The following SH3BP5L variants were observed in gnomAD, a reference collection of about 807,000 sequenced individuals.
SH3BP5L encodes SH3 domain-binding protein 5-like.
In SH3BP5L, 16 loss-of-function variants were observed where a neutral mutation model predicts 40.9. The ratio of observed to expected loss-of-function variants is 0.39; its 90% CI spans 0.27 to 0.59. The LOEUF (loss-of-function observed/expected upper bound fraction) is 0.59. Ranked by LOEUF, SH3BP5L falls within the 20% of genes least tolerant of loss-of-function variation. SH3BP5L has a pLI of 0.53. For missense variants in SH3BP5L, 471 were observed against 544.6 expected (o/e 0.86, Z 1.35); for synonymous variants, 229 against 226.7 (o/e 1.01, Z -0.09).
chr1:248,823,673 C>A (rs942544109), intron 2 of SH3BP5L, among the ~76,000 whole-genome samples: 2 of 152,122 alleles, frequency 1.3e-5, no homozygotes, highest in African/African-American at 4.8e-5. Flanking sequence ...TCCCAGGAAC[C>A]CACACAGAGA....
At chr1:248,816,323 A>T in intron 4 of SH3BP5L, 1 of 562,020 alleles carries the variant, frequency 1.8e-6, no homozygotes, top group Non-Finnish European at 3.2e-6. Context: ...ATTCTCCCAC[A>T]GCCACCCTCA....
rs760925896 is a variant in SH3BP5L, at chr1:248,812,260, C to G, written c.822G>C (p.Arg274=). 1 of 1,611,922 alleles carries G rather than the reference C, an allele frequency of 6.2e-7. No individual in the cohort carries two copies. Among genetic ancestry groups the G allele is most frequent in the East Asian group, 2.2e-5 (1 of 44,868 alleles). The change falls in exon 7 of 7, where the codon CGG becomes CGC. Residue 274 remains arginine (R), a synonymous_variant. Transcript: ENST00000366472. This position sits in a 1 kb window ranked among gnomAD's most constrained non-coding sequence, Gnocchi z 6.1. The stretch of plus-strand genomic sequence containing the variant: ...GGTGGGGAGGCAGACCCCCGCGGCG[C>G]CGTGCGTGAATCTGCTCGCTGATCT... ...LEQISEQIHA[R]RRGGLPPHPL...
In SH3BP5L at chr1:248,824,855, G is replaced by A; in HGVS notation, c.81C>T (p.Val27=). ...GCTCTTCTGCGACTGGGCTCCTAGG[G>A]ACTTCATCCTCTACAACTTCAGGCC... ...ELRPEVVEDE[V]PRSPVAEEPG... The change falls in exon 2 of 7, where the codon GTC becomes GTT. Residue 27 remains valine, a synonymous_variant. Coordinates refer to ENST00000366472, the MANE Select transcript of SH3BP5L (RefSeq NM_030645.3). 6.2e-7 allele frequency: 1 copy of A among 1,614,172 alleles called. No homozygotes were observed.
chr1:248,814,938 G>A (rs1558227523), intron 4 of SH3BP5L: 1 of 401,754 alleles, frequency 2.5e-6, no homozygotes, highest in Non-Finnish European at 4.7e-6. Flanking sequence ...AACATAGACA[G>A]AGTCTTACAG....
chr1:248,810,622 C>G lies in SH3BP5L; in HGVS notation c.*1278G>C, dbSNP rs977223637. On this transcript the variant is annotated 3_prime_UTR_variant, in exon 7 of 7. Coordinates refer to ENST00000366472, the MANE Select transcript of SH3BP5L (RefSeq NM_030645.3). ...ACCAACCTCCCTCAACCTGTAGACC[C>G]CCGTGCAGAGTCCAGTTGCCCACGC... The G allele has an allele frequency of 6.6e-6, 1 of 152,284 alleles. No homozygotes were observed. The highest frequency in any genetic ancestry group is 1.9e-4 in the East Asian group (1 of 5,192). 9.4% of individuals were successfully genotyped at this position (152,284 alleles called of 1,614,324 possible).
At position 248,811,694 on chromosome 1, in the gene SH3BP5L, AG is replaced by A. The variant is rs1663929891; in HGVS notation, c.*205del. The stretch of plus-strand genomic sequence containing the variant: ...CGAGCCTTCTGAATGGGTAAGGCAA[AG>A]AGAGCCGCCTGCTGAGGGGAAGGGG... On this transcript the variant is annotated 3_prime_UTR_variant, in exon 7 of 7. Coordinates refer to ENST00000366472, the MANE Select transcript of SH3BP5L (RefSeq NM_030645.3). The A allele has an allele frequency of 1.9e-6, 1 of 515,354 alleles. No homozygotes were observed. The highest frequency in any genetic ancestry group is 2.0e-5 in the African/African-American group (1 of 50,540). 31.9% of individuals were successfully genotyped at this position (515,354 alleles called of 1,614,324 possible).
In SH3BP5L at chr1:248,812,035, G is replaced by A; in HGVS notation, c.1047C>T (p.Asp349=). The A allele has an allele frequency of 6.2e-7, 1 of 1,612,780 alleles. No homozygotes were observed. Among genetic ancestry groups the A allele is most frequent in the Non-Finnish European group, 8.5e-7 (1 of 1,179,628 alleles). Residue 349 remains aspartate, a synonymous_variant, in exon 7 of 7, where the codon GAC becomes GAT. Coordinates refer to ENST00000366472, the MANE Select transcript of SH3BP5L (RefSeq NM_030645.3). This position sits in a 1 kb window ranked among gnomAD's most constrained non-coding sequence, Gnocchi z 6.1. ...AGAGGCCTCGCAAGTGCTCCACGGA[G>A]TCGCACTTCTGCAGGTCTGAAGCCA... The part of the protein sequence containing the change: ...RTVASDLQKC[D]SVEHLRGLSD...
chr1:248,814,879 TAGGGAAAACAA>T (rs1664061317), intron 4 of SH3BP5L: 2 of 566,998 alleles, frequency 3.5e-6, no homozygotes, highest in East Asian at 7.5e-5. Context: ...CCTTTTCCCC[TAGGGAAAACAA>T]AGGAAAACAC....
intron 2 of SH3BP5L, 107 bp from the exon 3 acceptor site, chr1:248,816,991 A>G (rs751172678): frequency 6.3e-7 from 1 of 1,588,636 alleles, no homozygotes; most frequent in Admixed American, 1.8e-5. Flanking sequence ...TTGCCCAGGG[A>G]AATGAGGTGA....
rs764376654 is a variant in SH3BP5L at position 248,812,209 on chromosome 1, G to A, written c.873C>T (p.Pro291=). The change falls in exon 7 of 7, where the codon CCC becomes CCT. Residue 291 remains proline (P), a synonymous_variant. Transcript: ENST00000366472. The surrounding 1 kb of genome is among the most constrained non-coding windows in gnomAD (Gnocchi z 6.1). ...CCTCGGGTCCTGCCTCGGCCCCCAC[G>A]GGGGAGGAGCGCCGAGGGCCCAGGG... ...PHPLGPRRSS[P]VGAEAGPEDM... 2.0e-5 allele frequency: 32 copies of A among 1,604,458 alleles called. No homozygotes were observed. The highest frequency in any genetic ancestry group is 2.6e-5 in the Non-Finnish European group (31 of 1,176,646).
At chr1:248,819,780 G>A (rs1664205845) in intron 2 of SH3BP5L, among the ~76,000 whole-genome samples, 1 of 151,848 alleles carries the variant, frequency 6.6e-6, no homozygotes, top group Non-Finnish European at 1.5e-5. Context: ...TTTGCATTGG[G>A]CCGTGTTCAA....
chr1:248,823,979 T>C (rs969135866), intron 2 of SH3BP5L, among the ~76,000 whole-genome samples: 1 of 152,166 alleles, frequency 6.6e-6, no homozygotes. Context: ...TGGCCAGGCA[T>C]CTCTTCCACA....
At chr1:248,824,021 G>A (rs1558231623) in intron 2 of SH3BP5L, among the ~76,000 whole-genome samples, 2 of 152,118 alleles carry the variant, frequency 1.3e-5, no homozygotes, top group Non-Finnish European at 2.9e-5. Context: ...ACTACCCCCA[G>A]GTCTCCTACA....
chr1:248,814,130 G>C (rs1250497983), intron 5 of SH3BP5L: 1 of 332,198 alleles, frequency 3.0e-6, no homozygotes, highest in African/African-American at 2.1e-5. Flanking sequence ...GAAGCGAGGA[G>C]TCACACAGCT....
rs1273526202 is a variant in SH3BP5L, at chr1:248,811,756, T to C, written c.*144A>G. On this transcript the variant is annotated 3_prime_UTR_variant, in exon 7 of 7. Transcript: ENST00000366472. Reference sequence around the variant, plus strand: ...GAACGCCAGGGCAGGCACAGAGGACTCGAACACAGCTGGCCTCTCCCAGGG... The same window carrying C: ...GAACGCCAGGGCAGGCACAGAGGACCCGAACACAGCTGGCCTCTCCCAGGG... 1 of 645,632 alleles carries C rather than the reference T, an allele frequency of 1.5e-6. No homozygotes were observed. The highest frequency in any genetic ancestry group is 2.0e-5 in the South Asian group (1 of 49,950). The allele number at this position is 645,632 out of a possible 1,614,324, so 40.0% of individuals were successfully genotyped here.
intron 4 of SH3BP5L, chr1:248,814,812 A>C: frequency 1.4e-6 from 1 of 708,754 alleles, no homozygotes; most frequent in Non-Finnish European, 2.5e-6. Context: ...AGAAGAAATA[A>C]AAATTTTGCC....
In SH3BP5L at chr1:248,813,073, T is replaced by C. The variant is rs1663998138; in HGVS notation, c.627A>G (p.Gln209=). Residue 209 remains glutamine (Q), a synonymous_variant, in exon 6 of 7, where the codon CAA becomes CAG. Transcript: ENST00000366472. ...CCCTCCGGAGGGTCTTCTGCAGGGC[T>C]TGGACCCGAGCCTCAGCCTGTTGGC... ...RLCQQAEARV[Q]ALQKTLRRAI... 6 of 1,612,630 alleles carry C rather than the reference T, an allele frequency of 3.7e-6. No individual in the cohort carries two copies. The highest frequency in any genetic ancestry group is 2.2e-5 in the East Asian group (1 of 44,818).
At chr1:248,814,423 G>A in intron 5 of SH3BP5L, 26 bp downstream of exon 5, 1 of 1,612,770 alleles carries the variant, frequency 6.2e-7, no homozygotes, top group Non-Finnish European at 8.5e-7. Flanking sequence ...CCAGCGAAGG[G>A]GACCTGCTGG....
At chr1:248,822,920 T>A (rs575572184) in intron 2 of SH3BP5L, among the ~76,000 whole-genome samples, 1 of 152,278 alleles carries the variant, frequency 6.6e-6, no homozygotes, top group South Asian at 2.1e-4. Context: ...TGCCTCGGCC[T>A]CCCAACATGC....
Sources: allele counts gnomAD v4.1 joint callset (sites outside exome capture counted in the v4.1 genomes callset), GRCh38; gene constraint gnomAD v4.1.1; non-coding constraint Gnocchi (gnomAD v3.1); transcripts MANE v1.5; gene names NCBI Gene and HGNC (gene_info 2026-07-23, HGNC 2026-07-21).